The following BLTP1 variants were observed in gnomAD, a reference collection of about 807,000 sequenced individuals.
BLTP1 encodes the protein fragile site-associated protein.
chr4:122,286,998 A>G, the BLTP1 span, among the ~76,000 whole-genome samples: 3 of 152,160 alleles, frequency 2.0e-5, no homozygotes, highest in Non-Finnish European at 2.9e-5. Flanking sequence ...TTATTTACAC[A>G]TGCTTTTAAA....
At chr4:122,348,751 A>G in the BLTP1 span, 43 of 1,426,760 alleles carry the variant, frequency 3.0e-5, no homozygotes, top group Non-Finnish European at 4.1e-5. Context: ...AATGTATTTA[A>G]TCATTTTTGT....
chr4:122,233,546 A>G, the BLTP1 span, among the ~76,000 whole-genome samples: 3 of 152,308 alleles, frequency 2.0e-5, no homozygotes, highest in African/African-American at 7.2e-5. Flanking sequence ...GTGTTTTAAG[A>G]TATCTTTGCT....
At chr4:122,333,851 T>C in the BLTP1 span, 1 of 1,566,874 alleles carries the variant, frequency 6.4e-7, no homozygotes, top group Non-Finnish European at 8.6e-7. Context: ...AGACTATTGG[T>C]AGCAATGTTT....
At chr4:122,285,255 A>AT in the BLTP1 span, among the ~76,000 whole-genome samples, 1 of 152,128 alleles carries the variant, frequency 6.6e-6, no homozygotes, top group Admixed American at 6.6e-5. Context: ...AAGGAAAGGG[A>AT]TAAAAACAGT....
chr4:122,203,758 T>C, the BLTP1 span: 1 of 345,506 alleles, frequency 2.9e-6, no homozygotes, highest in African/African-American at 2.2e-5. Context: ...TATAAAATGA[T>C]ATGTTGAAAT....
chr4:122,306,943 T>C, the BLTP1 span, among the ~76,000 whole-genome samples: 1 of 152,136 alleles, frequency 6.6e-6, no homozygotes, highest in East Asian at 1.9e-4. Flanking sequence ...TTTATTTTGC[T>C]GAATCCCATG....
the BLTP1 span, chr4:122,341,896 T>G: frequency 1.3e-6 from 1 of 769,224 alleles, no homozygotes; most frequent in Non-Finnish European, 1.6e-6. Context: ...ACTGGGGGAA[T>G]GGACACTCCC....
At chr4:122,230,310 T>C in the BLTP1 span, 1 of 1,017,746 alleles carries the variant, frequency 9.8e-7, no homozygotes, top group Non-Finnish European at 1.5e-6. Context: ...ACTAAGAATA[T>C]TTTAAATAAA....
chr4:122,311,832 C>T, the BLTP1 span, among the ~76,000 whole-genome samples: 47 of 152,232 alleles, frequency 3.1e-4, no homozygotes, highest in East Asian at 4.2e-3. Context: ...AGAAAAATTA[C>T]CATCCTGCAT....
the BLTP1 span, chr4:122,348,943 C>A: frequency 1.8e-6 from 1 of 543,638 alleles, no homozygotes; most frequent in South Asian, 3.6e-5. Flanking sequence ...ATAAGGAGAA[C>A]AGGGTAATTT....
chr4:122,254,459 G>T, the BLTP1 span: 11 of 1,285,238 alleles, frequency 8.6e-6, no homozygotes, highest in Non-Finnish European at 1.1e-5. Flanking sequence ...TAGTATTAAG[G>T]TTGCAACTTT....
the BLTP1 span, among the ~76,000 whole-genome samples, chr4:122,221,415 T>G: frequency 2.6e-5 from 4 of 152,204 alleles, no homozygotes; most frequent in Non-Finnish European, 5.9e-5. Context: ...TATTTTGAAA[T>G]AATTATAGTT....
chr4:122,226,931 A>T, the BLTP1 span: 1 of 880,852 alleles, frequency 1.1e-6, no homozygotes, highest in Non-Finnish European at 1.6e-6. Flanking sequence ...ACACATAGCC[A>T]TGCAGCAAAC....
chr4:122,306,128 T>A, the BLTP1 span: 1 of 1,339,924 alleles, frequency 7.5e-7, no homozygotes, highest in Non-Finnish European at 1.0e-6. Flanking sequence ...AGTTTACTGG[T>A]GTAAATGCTT....
chr4:122,232,899 A>C, the BLTP1 span, among the ~76,000 whole-genome samples: 2 of 152,098 alleles, frequency 1.3e-5, no homozygotes, highest in African/African-American at 4.8e-5. Flanking sequence ...ATGGTAACTC[A>C]CTGACCTTCA....
the BLTP1 span, among the ~76,000 whole-genome samples, chr4:122,170,933 C>T: frequency 6.6e-6 from 1 of 152,052 alleles, no homozygotes; most frequent in Non-Finnish European, 1.5e-5. Context: ...TCTACTTTTT[C>T]TTAGGCTGCA....
the BLTP1 span, chr4:122,289,209 C>G: frequency 6.5e-7 from 1 of 1,544,036 alleles, no homozygotes; most frequent in South Asian, 1.2e-5. Flanking sequence ...TGATCTAGTA[C>G]CTTATAGTAT....
chr4:122,345,131 C>A, the BLTP1 span: 1 of 668,550 alleles, frequency 1.5e-6, no homozygotes, highest in Non-Finnish European at 1.8e-6. Flanking sequence ...ACCCAATATT[C>A]TGAAAATATA....
At chr4:122,176,851 C>G in the BLTP1 span, among the ~76,000 whole-genome samples, 2 of 152,180 alleles carry the variant, frequency 1.3e-5, no homozygotes, top group Non-Finnish European at 2.9e-5. Context: ...AAAATAATCT[C>G]TAAACTGTTA....
Sources: allele counts gnomAD v4.1 joint callset (sites outside exome capture counted in the v4.1 genomes callset), GRCh38; gene constraint gnomAD v4.1.1; transcripts MANE v1.5; gene names NCBI Gene and HGNC (gene_info 2026-07-23, HGNC 2026-07-21).